Variants in TMEM232 observed in about 807,000 individuals in gnomAD.
TMEM232 encodes the protein transmembrane protein 232.
In TMEM232, 80 loss-of-function variants were observed where a neutral mutation model predicts 78.8. The ratio of observed to expected loss-of-function variants is 1.01; its 90% CI spans 0.85 to 1.22. The LOEUF (loss-of-function observed/expected upper bound fraction) is 1.22, where lower values mean the gene tolerates loss of function less well. Among genes scored for constraint, TMEM232 ranks in the 50% most tolerant of loss-of-function variants. The pLI, the probability that TMEM232 is intolerant of heterozygous loss-of-function variation, is 0.00. For missense variants in TMEM232, 881 were observed against 742.2 expected (o/e 1.19, Z -2.17); for synonymous variants, 297 against 254.3 (o/e 1.17, Z -1.60).
rs369260219 is a variant in TMEM232, at chr5:110,556,089, T to C, written c.1455+12358A>G. Among the ~76,000 whole-genome samples the C allele has an allele frequency of 3.3e-5, 5 of 152,306 alleles. No homozygotes were observed. The South Asian group carries it at 8.3e-4, about 25-fold the overall frequency. The stretch of plus-strand genomic sequence containing the variant: ...TGCTTTATGGCGTAAATGATCTAAG[T>C]ACTTAAGTGCATTTTTGTAGTGCCC... On this transcript the variant is annotated intron_variant, in intron 11 of 13. Transcript: ENST00000455884.
In TMEM232 at chr5:110,419,653, A is replaced by G. The variant is rs10040937; in HGVS notation, c.*927T>C. ...AGGTATTCCTTAGCCGGCTTCACTA[A>G]TTTATGTTACCTTTCTGACCTGGTA... On this transcript the variant is annotated 3_prime_UTR_variant, in exon 14 of 14. Transcript: ENST00000455884. 5.6e-3 allele frequency among the ~76,000 whole-genome samples: 848 copies of G among 152,202 alleles called. 5 individuals are homozygous for G. The highest frequency in any genetic ancestry group is 8.6e-3 in the Non-Finnish European group (583 of 67,954).
At chr5:110,484,212 AC>A (rs1764218154) in intron 12 of TMEM232, among the ~76,000 whole-genome samples, 1 of 152,258 alleles carries the variant, frequency 6.6e-6, no homozygotes, top group East Asian at 1.9e-4. Flanking sequence ...TATGCTCACT[AC>A]CCAAATGACA....
At chr5:110,554,765 T>C (rs571501917) in intron 11 of TMEM232, among the ~76,000 whole-genome samples, 14 of 152,182 alleles carry the variant, frequency 9.2e-5, no homozygotes, top group Non-Finnish European at 1.6e-4. Context: ...CTGGTATAAT[T>C]AGGCTGTGAA....
intron 1 of TMEM232, among the ~76,000 whole-genome samples, chr5:110,691,700 T>G (rs1794136346): frequency 6.6e-6 from 1 of 152,202 alleles, no homozygotes; most frequent in Non-Finnish European, 1.5e-5. Context: ...AAGTCATCAC[T>G]TTCCAGATCA....
At chr5:110,689,815 C>A (rs575984159) in intron 1 of TMEM232, among the ~76,000 whole-genome samples, 13 of 152,146 alleles carry the variant, frequency 8.5e-5, no homozygotes, top group African/African-American at 3.1e-4. Flanking sequence ...AGAATAGAGG[C>A]CACAGAAATA....
chr5:110,511,253 A>T (rs1358266431), intron 12 of TMEM232, among the ~76,000 whole-genome samples: 1 of 152,056 alleles, frequency 6.6e-6, no homozygotes, highest in African/African-American at 2.4e-5. Context: ...ATGAGAGTAC[A>T]TGGGCACAGG....
intron 12 of TMEM232, among the ~76,000 whole-genome samples, chr5:110,519,888 T>C (rs1183529268): frequency 1.3e-5 from 2 of 150,742 alleles, no homozygotes; most frequent in Admixed American, 6.6e-5. Context: ...AAATACTACA[T>C]GTTCTCATTC....
At chr5:110,635,020 C>A (rs1045181894) in intron 5 of TMEM232, among the ~76,000 whole-genome samples, 2 of 151,672 alleles carry the variant, frequency 1.3e-5, no homozygotes, top group African/African-American at 4.8e-5. Flanking sequence ...CAATTAATAC[C>A]ACAGAAGTAC....
chr5:110,424,951 G>A (rs1048816634), intron 12 of TMEM232, 35 bp from the exon 13 acceptor site: 18 of 1,405,032 alleles, frequency 1.3e-5, no homozygotes, highest in Non-Finnish European at 1.3e-5. Flanking sequence ...CCAACATTAG[G>A]TATAGGTACT....
chr5:110,490,161 G>GAAAT (rs1282925066), intron 12 of TMEM232, among the ~76,000 whole-genome samples: 9 of 140,344 alleles, frequency 6.4e-5, no homozygotes, highest in African/African-American at 2.9e-4. Context: ...AAGAAAGAAA[G>GAAAT]AAAGAAAGAA....
At chr5:110,400,677 A>G (rs1169219454) in intron 2 of TMEM232, among the ~76,000 whole-genome samples, 2 of 152,138 alleles carry the variant, frequency 1.3e-5, no homozygotes, top group Non-Finnish European at 2.9e-5. Context: ...GGGGTACAAG[A>G]AAGTGATCAT....
At position 110,711,844 on chromosome 5, in the gene TMEM232, C is replaced by T. The variant is rs556871824; in HGVS notation, c.-13+14783G>A. On this transcript the variant is annotated intron_variant, in intron 1 of 13. Coordinates refer to ENST00000455884, the MANE Select transcript of TMEM232 (RefSeq NM_001039763.4). ...ACTCTGGGCCAGGTGTGGTGGCTCA[C>T]GCCTGTAATCCCAGCACTTTGGGAG... 7.9e-5 allele frequency among the ~76,000 whole-genome samples: 12 copies of T among 152,136 alleles called. No homozygotes were observed. The East Asian group carries it at 9.7e-4, about 12-fold the overall frequency.
At chr5:110,670,917 A>C (rs995582375) in intron 1 of TMEM232, among the ~76,000 whole-genome samples, 2 of 152,176 alleles carry the variant, frequency 1.3e-5, no homozygotes, top group African/African-American at 4.8e-5. Context: ...TGGTAAATCT[A>C]GTAATAAATG....
At chr5:110,625,566 T>C (rs1784326087) in intron 6 of TMEM232, 133 bp from the exon 7 acceptor site, 1 of 780,070 alleles carries the variant, frequency 1.3e-6, no homozygotes, top group Admixed American at 3.6e-5. Flanking sequence ...CTATTTAAGA[T>C]TTATAATGTT....
intron 12 of TMEM232, among the ~76,000 whole-genome samples, chr5:110,504,098 C>T (rs1207874351): frequency 6.6e-6 from 1 of 152,100 alleles, no homozygotes; most frequent in Non-Finnish European, 1.5e-5. Context: ...TATAAATGAA[C>T]ATAGTTATTT....
At chr5:110,595,587 T>C (rs1780063162) in intron 10 of TMEM232, among the ~76,000 whole-genome samples, 1 of 152,104 alleles carries the variant, frequency 6.6e-6, no homozygotes, top group African/African-American at 2.4e-5. Context: ...ATAAATGACC[T>C]GATGGAGCTG....
At chr5:110,391,326 T>TGTGTGAGAGAGA (rs549361387) in intron 3 of TMEM232, among the ~76,000 whole-genome samples, 10 of 139,806 alleles carry the variant, frequency 7.2e-5, no homozygotes, top group African/African-American at 2.9e-4. Context: ...TGTGTGTGTG[T>TGTGTGAGAGAGA]GAGAGAGAGA....
intron 2 of TMEM232, among the ~76,000 whole-genome samples, chr5:110,400,904 T>C (rs1045685265): frequency 6.6e-6 from 1 of 152,146 alleles, no homozygotes; most frequent in African/African-American, 2.4e-5. Flanking sequence ...TTTTTTCTTC[T>C]CTATAATCAT....
At position 110,667,215 on chromosome 5, in the gene TMEM232, T is replaced by C. The variant is rs1790710292; in HGVS notation, c.125+13A>G. 6.5e-7 allele frequency: 1 copy of C among 1,534,952 alleles called. No individual in the cohort carries two copies. The highest frequency in any genetic ancestry group is 2.0e-5 in the Admixed American group (1 of 49,048). On this transcript the variant is annotated intron_variant, in intron 2 of 13. Transcript: ENST00000455884. ...ACAATACATATGGGTCCTATAATTA[T>C]TTTCTAGCTTACCTTGATTTATGAC... is the stretch of plus-strand genomic sequence containing the variant.
Sources: allele counts gnomAD v4.1 joint callset (sites outside exome capture counted in the v4.1 genomes callset), GRCh38; gene constraint gnomAD v4.1.1; transcripts MANE v1.5; gene names NCBI Gene and HGNC (gene_info 2026-07-23, HGNC 2026-07-21).